Variants in NRG1 observed in about 807,000 individuals in gnomAD.
The protein encoded by NRG1 is neuregulin 1, also known as pro-neuregulin-1, membrane-bound isoform.
A neutral mutation model predicts 63.8 loss-of-function variants in NRG1; 18 were observed. The observed-to-expected ratio is 0.28, with a 90% CI of 0.19 to 0.42. NRG1 has a LOEUF of 0.42. Among genes scored for constraint, NRG1 ranks in the 10% least tolerant of loss-of-function variants. The pLI, the probability that NRG1 is intolerant of heterozygous loss-of-function variation, is 1.00. For synonymous variants in NRG1, 302 were observed against 301.3 expected (o/e 1.00, Z -0.02); for missense variants, 762 against 814.7 (o/e 0.94, Z 0.79).
chr8:32,199,845 T>A (rs1843325154), intron 1 of NRG1, among the ~76,000 whole-genome samples: 1 of 152,204 alleles, frequency 6.6e-6, no homozygotes, highest in Non-Finnish European at 1.5e-5. Flanking sequence ...AATGACACGA[T>A]CTTAGTTCAC....
At chr8:32,014,762 A>G (rs139152851) in intron 1 of NRG1, among the ~76,000 whole-genome samples, 62 of 145,250 alleles carry the variant, frequency 4.3e-4, no homozygotes, top group African/African-American at 1.4e-3. Flanking sequence ...AACACCTGTG[A>G]ATGTGACCTT....
At chr8:31,668,464 G>C (rs1806779043) in intron 1 of NRG1, among the ~76,000 whole-genome samples, 1 of 152,154 alleles carries the variant, frequency 6.6e-6, no homozygotes, top group Non-Finnish European at 1.5e-5. Context: ...TTTATATTGT[G>C]TGTCAAAATG....
chr8:32,197,991 C>G (rs1843128869), intron 1 of NRG1, among the ~76,000 whole-genome samples: 1 of 152,184 alleles, frequency 6.6e-6, no homozygotes, highest in Non-Finnish European at 1.5e-5. Context: ...CACACACACA[C>G]ACACACCATC....
At chr8:32,270,055 A>C (rs1057447628) in intron 1 of NRG1, among the ~76,000 whole-genome samples, 2 of 152,208 alleles carry the variant, frequency 1.3e-5, no homozygotes, top group African/African-American at 2.4e-5. Context: ...TAACTTACGA[A>C]TACCCATAAT....
At chr8:32,639,471 G>C (rs73590633) in intron 5 of NRG1, among the ~76,000 whole-genome samples, 3,288 of 152,196 alleles carry the variant, frequency 0.022, 138 homozygotes, top group African/African-American at 0.076. Flanking sequence ...GAATACTTCA[G>C]GTAATCCCTT....
chr8:32,040,750 C>CATATATGTGTATATATATATATATATAT lies in NRG1; in HGVS notation c.37+401325_37+401326insGTGTATATATATATATATATATATATAT, dbSNP rs1819864113. On this transcript the variant is annotated intron_variant, in intron 1 of 10. Transcript: ENST00000519301. ...TATATATATATATGAAATTTAGGCGCATATATATATATATATATGCGCCTA... is the reference window on the plus strand; with the variant it reads ...TATATATATATATGAAATTTAGGCGCATATATGTGTATATATATATATATATATATATATATATATATATATGCGCCTA... 7.6e-4 allele frequency among the ~76,000 whole-genome samples: 37 copies of CATATATGTGTATATATATATATATATAT among 48,696 alleles called. 2 individuals are homozygous for CATATATGTGTATATATATATATATATAT. The highest frequency in any genetic ancestry group is 1.9e-3 in the African/African-American group (31 of 16,406). 31.9% of individuals were successfully genotyped at this position (48,696 alleles called of 152,430 possible).
chr8:32,682,153 T>A (rs1452298409), intron 5 of NRG1, among the ~76,000 whole-genome samples: 1 of 152,152 alleles, frequency 6.6e-6, no homozygotes, highest in Non-Finnish European at 1.5e-5. Flanking sequence ...TAATCAAAAT[T>A]TGTGTAATTA....
intron 1 of NRG1, among the ~76,000 whole-genome samples, chr8:32,587,456 C>T (rs1841816821): frequency 6.6e-6 from 1 of 152,108 alleles, no homozygotes; most frequent in South Asian, 2.1e-4. Context: ...TGACAATTTT[C>T]CAGTTAGATT....
At chr8:32,759,185 G>A (rs895705482) in intron 9 of NRG1, 121 bp from the exon 10 acceptor site, 8 of 1,144,384 alleles carry the variant, frequency 7.0e-6, no homozygotes, top group Non-Finnish European at 9.7e-6. Context: ...CAAATCAGCT[G>A]TACAAAAATA....
Position 31,640,707 on chromosome 8 carries a change from C to G in NRG1, c.37+1276C>G, listed in dbSNP as rs759270796. ...GCCGGAACCTCAAGAAGGAGGTCAGCCGGGTGCTGTGCAAGCGGTGCGGTA... is the reference window on the plus strand; with the variant it reads ...GCCGGAACCTCAAGAAGGAGGTCAGGCGGGTGCTGTGCAAGCGGTGCGGTA... On this transcript the variant is annotated intron_variant, in intron 1 of 10. Transcript: ENST00000519301. This position sits in a 1 kb window ranked among gnomAD's most constrained non-coding sequence, Gnocchi z 6.3. 5 of 1,600,150 alleles carry G rather than the reference C, an allele frequency of 3.1e-6. No homozygotes were observed. The East Asian group carries it at 1.1e-4, about 36-fold the overall frequency.
intron 1 of NRG1, among the ~76,000 whole-genome samples, chr8:32,214,749 AC>A (rs1367382132): frequency 1.1e-4 from 17 of 152,336 alleles, no homozygotes; most frequent in Admixed American, 9.8e-4. Flanking sequence ...ATTAAAGAAA[AC>A]AAAACAAACC....
chr8:32,405,856 C>CT (rs1435513379), intron 1 of NRG1, among the ~76,000 whole-genome samples: 3 of 152,116 alleles, frequency 2.0e-5, no homozygotes, highest in African/African-American at 7.2e-5. Flanking sequence ...TAAAAATTTA[C>CT]TTTTTTGTGA....
intron 1 of NRG1, among the ~76,000 whole-genome samples, chr8:32,314,373 G>T (rs1406065276): frequency 6.6e-6 from 1 of 152,174 alleles, no homozygotes; most frequent in African/African-American, 2.4e-5. Flanking sequence ...AGCTAGAAAA[G>T]TCTATGCTTG....
chr8:31,762,122 G>A (rs1817624246), intron 1 of NRG1, among the ~76,000 whole-genome samples: 1 of 152,144 alleles, frequency 6.6e-6, no homozygotes, highest in Non-Finnish European at 1.5e-5. Flanking sequence ...GGGTACATGT[G>A]CAGAACATGC....
intron 1 of NRG1, among the ~76,000 whole-genome samples, chr8:31,671,494 C>T (rs549116037): frequency 2.0e-5 from 3 of 152,070 alleles, no homozygotes; most frequent in African/African-American, 7.2e-5. Context: ...AATTTATGAA[C>T]AGGTTTGTTT....
intron 5 of NRG1, among the ~76,000 whole-genome samples, chr8:32,683,410 G>A (rs1809224998): frequency 6.6e-6 from 1 of 152,148 alleles, no homozygotes; most frequent in Admixed American, 6.6e-5. Flanking sequence ...ATGCAAATTG[G>A]CATCAACTAC....
chr8:31,774,127 C>T (rs1818889356), intron 1 of NRG1, among the ~76,000 whole-genome samples: 4 of 152,124 alleles, frequency 2.6e-5, no homozygotes, highest in Admixed American at 2.6e-4. Context: ...CTGCCACTCT[C>T]CCCTTTGCTG....
At chr8:32,300,564 A>T (rs1855468962) in intron 1 of NRG1, among the ~76,000 whole-genome samples, 1 of 152,270 alleles carries the variant, frequency 6.6e-6, no homozygotes, top group African/African-American at 2.4e-5. Flanking sequence ...ATGAGTTACA[A>T]ACATTAAACA....
intron 5 of NRG1, among the ~76,000 whole-genome samples, chr8:32,714,400 A>G (rs996578195): frequency 6.6e-6 from 1 of 152,212 alleles, no homozygotes; most frequent in Non-Finnish European, 1.5e-5. Context: ...TTTTAATAGT[A>G]TTGTTAACTA....
Sources: gnomAD v4.1 joint callset for allele counts (sites outside exome capture counted in the v4.1 genomes callset) on GRCh38, gnomAD v4.1.1 for gene constraint, Gnocchi (gnomAD v3.1) non-coding constraint, MANE v1.5 for transcripts, NCBI Gene and HGNC (gene_info 2026-07-23, HGNC 2026-07-21) for gene names.